The following MSRA variants were observed in gnomAD, a reference collection of about 807,000 sequenced individuals.
The protein encoded by MSRA is mitochondrial peptide methionine sulfoxide reductase.
In MSRA, 54 loss-of-function variants were observed where a neutral mutation model predicts 31.3. That is an observed-to-expected ratio of 1.73 (90% CI 1.39 to 2.17). The LOEUF is 2.17. MSRA is among the 30% of genes most tolerant of loss of function. The pLI is 0.00. For synonymous variants in MSRA, 169 were observed against 116.5 expected (o/e 1.45, Z -2.90); for missense variants, 507 against 300.9 (o/e 1.69, Z -5.07).
chr8:10,262,685 C>T (rs115424923), intron 3 of MSRA, among the ~76,000 whole-genome samples: 1,739 of 152,208 alleles, frequency 0.011, 43 homozygotes, highest in African/African-American at 0.039. Context: ...ATTTCTTTCC[C>T]CAGGCATCCA....
chr8:10,283,254 C>A (rs758332698), intron 3 of MSRA, among the ~76,000 whole-genome samples: 4 of 151,948 alleles, frequency 2.6e-5, no homozygotes, highest in Admixed American at 1.3e-4. Flanking sequence ...TCTTAGATTT[C>A]AGTATCACAC....
chr8:10,344,419 C>T (rs977368897), intron 5 of MSRA, among the ~76,000 whole-genome samples: 1 of 151,452 alleles, frequency 6.6e-6, no homozygotes, highest in Non-Finnish European at 1.5e-5. Flanking sequence ...ACTAAAAATA[C>T]AAAAATTAGA....
intron 5 of MSRA, among the ~76,000 whole-genome samples, chr8:10,423,183 G>A (rs901551748): frequency 3.3e-5 from 5 of 152,162 alleles, no homozygotes; most frequent in Non-Finnish European, 1.5e-5. Context: ...GCATTACCTG[G>A]GTCCCCACCC....
At chr8:10,179,682 C>A (rs1385322945) in intron 1 of MSRA, among the ~76,000 whole-genome samples, 2 of 152,184 alleles carry the variant, frequency 1.3e-5, no homozygotes, top group East Asian at 3.9e-4. Context: ...GTTAAACAGA[C>A]CTGGGTTTAT....
At chr8:10,064,418 T>C (rs1376410073) in intron 1 of MSRA, among the ~76,000 whole-genome samples, 11 of 152,126 alleles carry the variant, frequency 7.2e-5, no homozygotes, top group Admixed American at 5.9e-4. Flanking sequence ...TATCCTTTCA[T>C]GGAAGTGCAT....
intron 5 of MSRA, among the ~76,000 whole-genome samples, chr8:10,321,629 A>C (rs1327906919): frequency 6.6e-6 from 1 of 152,192 alleles, no homozygotes; most frequent in Non-Finnish European, 1.5e-5. Context: ...CAGTGATGGG[A>C]GCACTCTGAG....
At chr8:10,295,655 G>C (rs1472425479) in intron 3 of MSRA, among the ~76,000 whole-genome samples, 1 of 152,190 alleles carries the variant, frequency 6.6e-6, no homozygotes, top group African/African-American at 2.4e-5. Context: ...ACTCCAGTCT[G>C]AGTTGCCATC....
At chr8:10,405,863 TCACA>T (rs1188981227) in intron 5 of MSRA, among the ~76,000 whole-genome samples, 2 of 152,124 alleles carry the variant, frequency 1.3e-5, no homozygotes, top group East Asian at 1.9e-4. Flanking sequence ...ACCCATGTAC[TCACA>T]CATACACAAT....
At chr8:10,409,330 G>A (rs1808015418) in intron 5 of MSRA, among the ~76,000 whole-genome samples, 1 of 152,144 alleles carries the variant, frequency 6.6e-6, no homozygotes, top group South Asian at 2.1e-4. Context: ...GTGATGATGA[G>A]CACTTTTTCA....
At chr8:10,162,804 A>C (rs541531523) in intron 1 of MSRA, among the ~76,000 whole-genome samples, 6 of 152,286 alleles carry the variant, frequency 3.9e-5, no homozygotes, top group Non-Finnish European at 7.4e-5. Flanking sequence ...ACCAAGGGTC[A>C]CAGTGGCTTG....
intron 1 of MSRA, among the ~76,000 whole-genome samples, chr8:10,204,689 T>A (rs920079011): frequency 6.6e-6 from 1 of 152,232 alleles, no homozygotes; most frequent in South Asian, 2.1e-4. Flanking sequence ...CCTGAATATA[T>A]CCCTGTTGTT....
At chr8:10,132,904 C>G (rs563872598) in intron 1 of MSRA, among the ~76,000 whole-genome samples, 8 of 152,294 alleles carry the variant, frequency 5.3e-5, no homozygotes, top group Middle Eastern at 3.4e-3. Context: ...GAGTCTTGGC[C>G]ATTTGCATAC....
chr8:10,267,930 A>G (rs1196806261), intron 3 of MSRA, among the ~76,000 whole-genome samples: 1 of 152,156 alleles, frequency 6.6e-6, no homozygotes, highest in African/African-American at 2.4e-5. Context: ...GACCTTCCCT[A>G]ACCCCATCCC....
chr8:10,289,486 C>T (rs1244667865), intron 3 of MSRA, among the ~76,000 whole-genome samples: 2 of 151,972 alleles, frequency 1.3e-5, no homozygotes, highest in Non-Finnish European at 2.9e-5. Context: ...GGTCTGCATC[C>T]CCTCGAGCAT....
At chr8:10,226,741 T>G (rs1425429419) in intron 2 of MSRA, among the ~76,000 whole-genome samples, 1 of 152,194 alleles carries the variant, frequency 6.6e-6, no homozygotes, top group Non-Finnish European at 1.5e-5. Flanking sequence ...GTTTTTTGTT[T>G]TTGTTAAGGC....
chr8:10,247,130 G>A (rs964330130), intron 3 of MSRA, among the ~76,000 whole-genome samples: 2 of 152,202 alleles, frequency 1.3e-5, no homozygotes, highest in Non-Finnish European at 2.9e-5. Context: ...ATAACAACAT[G>A]ATAATTGCCA....
intron 5 of MSRA, among the ~76,000 whole-genome samples, chr8:10,393,579 C>G (rs1016748975): frequency 2.0e-5 from 3 of 152,136 alleles, no homozygotes; most frequent in Admixed American, 6.5e-5. Flanking sequence ...GCCTGGCAGC[C>G]ATATCAACAT....
chr8:10,423,187 C>T (rs1250774300), intron 5 of MSRA, among the ~76,000 whole-genome samples: 3 of 152,164 alleles, frequency 2.0e-5, no homozygotes, highest in Admixed American at 1.3e-4. Context: ...TACCTGGGTC[C>T]CCACCCTCTT....
chr8:10,230,394 A>G (rs1486699522), intron 2 of MSRA, among the ~76,000 whole-genome samples: 1 of 152,180 alleles, frequency 6.6e-6, no homozygotes, highest in Non-Finnish European at 1.5e-5. Flanking sequence ...TGAAGTATGC[A>G]CACAGTCAGG....
Sources: allele counts gnomAD v4.1 joint callset (sites outside exome capture counted in the v4.1 genomes callset), GRCh38; gene constraint gnomAD v4.1.1; transcripts MANE v1.5; gene names NCBI Gene and HGNC (gene_info 2026-07-23, HGNC 2026-07-21).